The following COL26A1 variants were observed in gnomAD, a reference collection of about 807,000 sequenced individuals.
The protein encoded by COL26A1 is collagen type XXVI alpha 1 chain.
In COL26A1, 41 loss-of-function variants were observed where a neutral mutation model predicts 59.3. That is an observed-to-expected ratio of 0.69 (90% CI 0.54 to 0.90). COL26A1 has a LOEUF of 0.90. Ranked by LOEUF, COL26A1 falls within the 40% of genes least tolerant of loss-of-function variation. The pLI is 0.00. For missense variants in COL26A1, 612 were observed against 602.3 expected (o/e 1.02, Z -0.17); for synonymous variants, 266 against 256.0 (o/e 1.04, Z -0.37).
At chr7:101,505,013 G>A (rs1268951976) in intron 3 of COL26A1, among the ~76,000 whole-genome samples, 3 of 152,172 alleles carry the variant, frequency 2.0e-5, no homozygotes, top group Admixed American at 2.0e-4. Context: ...AAATTAGCCG[G>A]GTATGGTGGC....
At chr7:101,379,959 GA>G in intron 1 of COL26A1, among the ~76,000 whole-genome samples, 1 of 152,302 alleles carries the variant, frequency 6.6e-6, no homozygotes, top group East Asian at 1.9e-4. Context: ...TCTGTCTATG[GA>G]GTAGCCATTC....
intron 3 of COL26A1, among the ~76,000 whole-genome samples, chr7:101,458,561 G>A (rs1562990463): frequency 1.3e-5 from 2 of 152,134 alleles, no homozygotes; most frequent in Non-Finnish European, 2.9e-5. Context: ...TCACTGGAAG[G>A]TGGAGGTTAG....
intron 3 of COL26A1, among the ~76,000 whole-genome samples, chr7:101,453,706 G>A (rs558936487): frequency 1.3e-5 from 2 of 152,308 alleles, no homozygotes; most frequent in African/African-American, 4.8e-5. Context: ...CTGAGCCTGG[G>A]CTGAGTTTGG....
At chr7:101,405,195 C>T (rs970415317) in intron 1 of COL26A1, among the ~76,000 whole-genome samples, 46 of 152,026 alleles carry the variant, frequency 3.0e-4, no homozygotes, top group Non-Finnish European at 4.0e-4. Flanking sequence ...TGCACTCCAG[C>T]CTGGGTGACG....
chr7:101,520,245 C>T (rs893433431), intron 3 of COL26A1, among the ~76,000 whole-genome samples: 11 of 152,096 alleles, frequency 7.2e-5, no homozygotes, highest in South Asian at 4.2e-4. Flanking sequence ...TCTCAGGGTA[C>T]GCTCTTGAGT....
At chr7:101,548,744 C>T (rs1584506267) in intron 8 of COL26A1, among the ~76,000 whole-genome samples, 1 of 151,986 alleles carries the variant, frequency 6.6e-6, no homozygotes, top group Admixed American at 6.6e-5. Flanking sequence ...TGAGAGTGTA[C>T]TCTTGGGGGC....
chr7:101,369,767 A>G (rs1791141544), intron 1 of COL26A1, among the ~76,000 whole-genome samples: 1 of 152,078 alleles, frequency 6.6e-6, no homozygotes, highest in Admixed American at 6.6e-5. Context: ...TCTGCTAGAT[A>G]GCGTCAAGTT....
chr7:101,533,504 C>T (rs1022209786), intron 4 of COL26A1, among the ~76,000 whole-genome samples: 8 of 152,138 alleles, frequency 5.3e-5, no homozygotes, highest in African/African-American at 4.8e-5. Context: ...ACAGAGGAAC[C>T]GATGGGAAAA....
At chr7:101,541,363 G>A (rs958299793) in intron 5 of COL26A1, among the ~76,000 whole-genome samples, 13 of 152,004 alleles carry the variant, frequency 8.6e-5, no homozygotes, top group Non-Finnish European at 1.8e-4. Context: ...ATTTTATTTT[G>A]AGACAATGTA....
intron 1 of COL26A1, among the ~76,000 whole-genome samples, chr7:101,393,014 T>G (rs534377173): frequency 2.4e-4 from 36 of 151,638 alleles, no homozygotes; most frequent in African/African-American, 8.7e-4. Flanking sequence ...TTGTTTTTTT[T>G]TTTTTTGAGA....
chr7:101,482,730 G>T (rs1794183512), intron 3 of COL26A1, among the ~76,000 whole-genome samples: 1 of 152,176 alleles, frequency 6.6e-6, no homozygotes, highest in Non-Finnish European at 1.5e-5. Flanking sequence ...GCCGAGGCGG[G>T]TGGATTACTT....
intron 9 of COL26A1, among the ~76,000 whole-genome samples, chr7:101,549,880 T>C (rs1795823781): frequency 6.6e-6 from 1 of 152,148 alleles, no homozygotes; most frequent in South Asian, 2.1e-4. Flanking sequence ...GCCCCTCACC[T>C]TGCCCTGAGA....
At chr7:101,522,138 G>A (rs1306631775) in intron 3 of COL26A1, among the ~76,000 whole-genome samples, 1 of 152,084 alleles carries the variant, frequency 6.6e-6, no homozygotes, top group African/African-American at 2.4e-5. Flanking sequence ...TGCCTGTCTT[G>A]TTCTCTCATC....
chr7:101,534,654 T>TACACACAC (rs3073378), intron 4 of COL26A1, among the ~76,000 whole-genome samples: 1 of 147,526 alleles, frequency 6.8e-6, no homozygotes, highest in Admixed American at 6.7e-5. Flanking sequence ...CACATACATA[T>TACACACAC]ACACACACAC....
chr7:101,415,284 C>T (rs1217260683), intron 1 of COL26A1, among the ~76,000 whole-genome samples: 3 of 152,062 alleles, frequency 2.0e-5, no homozygotes, highest in African/African-American at 7.2e-5. Context: ...TCCCCAGTAG[C>T]TGGGATTACA....
rs1225333182 is a variant in COL26A1 at position 101,445,719 on chromosome 7, G to T, written c.282-1965G>T. On this transcript the variant is annotated intron_variant, in intron 2 of 12. Coordinates refer to ENST00000313669, the MANE Select transcript of COL26A1 (RefSeq NM_001278563.3). ...TGCACTCCAGCCTGGGCGACAGAGC[G>T]AGACTCCGTCTCAAAAAAAAAAAAA... 5.1e-5 allele frequency among the ~76,000 whole-genome samples: 5 copies of T among 97,338 alleles called. No individual in the cohort carries two copies. The East Asian group carries it at 1.6e-3, about 32-fold the overall frequency. The allele number at this position is 97,338 out of a possible 152,430, so 63.9% of individuals were successfully genotyped here.
At chr7:101,504,931 A>G (rs1794777089) in intron 3 of COL26A1, among the ~76,000 whole-genome samples, 1 of 152,118 alleles carries the variant, frequency 6.6e-6, no homozygotes, top group South Asian at 2.1e-4. Flanking sequence ...AGGCGGGCAG[A>G]TCCCTTGAGG....
chr7:101,554,847 C>T (rs1231796070), intron 11 of COL26A1, among the ~76,000 whole-genome samples: 2 of 152,200 alleles, frequency 1.3e-5, no homozygotes, highest in Admixed American at 6.5e-5. Flanking sequence ...TGCTCCTTCT[C>T]TGAGTTGGGG....
chr7:101,427,927 C>T (rs1404372308), intron 2 of COL26A1, among the ~76,000 whole-genome samples: 1 of 152,124 alleles, frequency 6.6e-6, no homozygotes, highest in African/African-American at 2.4e-5. Context: ...GGAGTCTGCT[C>T]CTCATGGTGT....
Sources: gnomAD v4.1 joint callset for allele counts (sites outside exome capture counted in the v4.1 genomes callset) on GRCh38, gnomAD v4.1.1 for gene constraint, MANE v1.5 for transcripts, NCBI Gene and HGNC (gene_info 2026-07-23, HGNC 2026-07-21) for gene names.